Variants in DZIP1L observed in about 807,000 individuals in gnomAD.
The protein encoded by DZIP1L is DAZ interacting zinc finger protein 1 like.
Under a neutral mutation model 88.7 loss-of-function variants are expected in DZIP1L, and 90 were observed. The ratio of observed to expected loss-of-function variants is 1.02; its 90% CI spans 0.86 to 1.21. DZIP1L has a LOEUF of 1.21. DZIP1L is among the 50% of genes most tolerant of loss of function. The probability of loss-of-function intolerance (pLI) is 0.00; values close to 1 mark genes in which losing one functional copy is unlikely to be tolerated. For synonymous variants in DZIP1L, 363 were observed against 372.1 expected (o/e 0.98, Z 0.28); for missense variants, 932 against 955.8 (o/e 0.98, Z 0.33).
chr3:138,084,000 AG>A, intron 8 of DZIP1L, 112 bp downstream of exon 8: 1 of 1,433,466 alleles, frequency 7.0e-7, no homozygotes, highest in Non-Finnish European at 9.4e-7. Flanking sequence ...TCTCTCCTTA[AG>A]GAGCCTGAGT....
rs200913886 is a variant in DZIP1L, at chr3:138,062,832, C to G, written c.2288G>C (p.Arg763Thr). 101 of 1,614,038 alleles carry G rather than the reference C, an allele frequency of 6.3e-5. 1 individual carries two copies. The East Asian group carries it at 1.8e-3, about 30-fold the overall frequency. ...TGGGGTGAATCACCAGGCAGGGACC[C>G]TGGGTTGGCCAGAGCTCTGTGGACC... ...GTGPQSSGQP[R>T]VPAW Residue 763 changes from arginine (R) to threonine (T), a missense_variant, in exon 16 of 16, where the codon AGG becomes ACG. Transcript: ENST00000327532.
intron 3 of DZIP1L, among the ~76,000 whole-genome samples, chr3:138,095,967 A>G (rs754240319): frequency 1.1e-4 from 16 of 152,228 alleles, no homozygotes; most frequent in Non-Finnish European, 1.8e-4. Context: ...AAAAAAGAAT[A>G]CAATTATTCT....
Position 138,084,253 on chromosome 3 carries a change from G to GC in DZIP1L, c.1063-1dup (p.Leu355AlafsTer39), listed in dbSNP as rs769080015. 4 of 1,613,412 alleles carry GC rather than the reference G, an allele frequency of 2.5e-6. No individual in the cohort carries two copies. The highest frequency in any genetic ancestry group is 2.5e-6 in the Non-Finnish European group (3 of 1,179,714). Reference sequence around the variant, plus strand: ...TGGAGCCTCTGGTTCTCCTCCTGTAGCTGGCAGGCACAAGATGGCTGGTCA... The same window carrying GC: ...TGGAGCCTCTGGTTCTCCTCCTGTAGCCTGGCAGGCACAAGATGGCTGGTCA... On this transcript the variant is annotated frameshift_variant and splice_region_variant. Transcript: ENST00000327532. LOFTEE classifies it high-confidence loss of function.
chr3:138,079,609 TG>T (rs1476777716), intron 10 of DZIP1L, among the ~76,000 whole-genome samples: 1 of 152,190 alleles, frequency 6.6e-6, no homozygotes, highest in Admixed American at 6.5e-5. Flanking sequence ...CCATGTAGCA[TG>T]GAACGATAAA....
intron 12 of DZIP1L, among the ~76,000 whole-genome samples, chr3:138,071,074 G>C (rs924520940): frequency 1.3e-5 from 2 of 152,202 alleles, no homozygotes; most frequent in Non-Finnish European, 2.9e-5. Flanking sequence ...CCTGGCCCAA[G>C]GAACCAACTA....
intron 2 of DZIP1L, chr3:138,101,595 G>T: frequency 2.5e-6 from 2 of 800,506 alleles, no homozygotes; most frequent in Non-Finnish European, 4.4e-6. Flanking sequence ...TGGAGCCTGC[G>T]CCAGAGCCAA....
chr3:138,075,597 T>C (rs973149785), intron 11 of DZIP1L, among the ~76,000 whole-genome samples: 9 of 152,250 alleles, frequency 5.9e-5, no homozygotes, highest in African/African-American at 2.2e-4. Flanking sequence ...TTAAAAGTTC[T>C]TTGACTGAAC....
chr3:138,074,292 A>C (rs1943303903), intron 11 of DZIP1L, among the ~76,000 whole-genome samples: 1 of 152,212 alleles, frequency 6.6e-6, no homozygotes, highest in Admixed American at 6.5e-5. Flanking sequence ...GGAAAGAATC[A>C]TAAGAGCTGT....
At chr3:138,064,596 C>T in intron 15 of DZIP1L, 32 bp downstream of exon 15, 7 of 1,614,046 alleles carry the variant, frequency 4.3e-6, no homozygotes, top group Non-Finnish European at 5.9e-6. Context: ...GTAGAGAATT[C>T]CAGAGTAAAC....
intron 1 of DZIP1L, among the ~76,000 whole-genome samples, chr3:138,109,123 T>C (rs1314274305): frequency 6.6e-6 from 1 of 152,224 alleles, no homozygotes; most frequent in Non-Finnish European, 1.5e-5. Context: ...CTGAGTGATA[T>C]TCAAAGACTT....
chr3:138,069,049 C>T, intron 12 of DZIP1L: 1 of 1,223,866 alleles, frequency 8.2e-7, no homozygotes. Flanking sequence ...ATACAGTTGA[C>T]CCCGAAACAA....
chr3:138,074,579 A>T (rs1014251572), intron 11 of DZIP1L, among the ~76,000 whole-genome samples: 27 of 152,106 alleles, frequency 1.8e-4, no homozygotes, highest in African/African-American at 6.5e-4. Flanking sequence ...CTTCTTTTTT[A>T]ATTTATTTTT....
At chr3:138,104,151 T>A (rs557327477) in intron 1 of DZIP1L, 99 bp from the exon 2 acceptor site, 14 of 1,131,862 alleles carry the variant, frequency 1.2e-5, no homozygotes, top group Admixed American at 8.7e-5. Context: ...AAGTGAGGTG[T>A]CTGTGCAGCA....
intron 2 of DZIP1L, chr3:138,101,760 A>C (rs1056007459): frequency 9.9e-7 from 1 of 1,006,536 alleles, no homozygotes; most frequent in African/African-American, 1.6e-5. Context: ...GCAGCTTCCT[A>C]TAGGTGGCGA....
In DZIP1L at chr3:138,084,123, T is replaced by G; in HGVS notation, c.1193A>C (p.Gln398Pro). 1 of 1,613,878 alleles carries G rather than the reference T, an allele frequency of 6.2e-7. No homozygotes were observed. The highest frequency in any genetic ancestry group is 1.3e-5 in the African/African-American group (1 of 75,054). Reference protein sequence around the residue: ...LQEQARIIASQEEMIQSLSLR... With the variant: ...LQEQARIIASPEEMIQSLSLR... ...GAAGGGCAGACCTACCATCTCCTCC[T>G]GGGAGGCAATGATCCTAGCTTGTTC... is the stretch of plus-strand genomic sequence containing the variant. The change falls in exon 8 of 16, where the codon CAG (glutamine) becomes CCG (proline). Residue 398 changes from glutamine to proline, a missense_variant. Gln to Pro is a moderately conservative substitution (Grantham distance 76). Transcript: ENST00000327532.
intron 15 of DZIP1L, 80 bp downstream of exon 15, chr3:138,064,548 A>G (rs1345854662): frequency 1.9e-6 from 3 of 1,613,322 alleles, no homozygotes; most frequent in Admixed American, 1.7e-5. Flanking sequence ...GCCCTCCCCA[A>G]CCTTCACCCC....
At chr3:138,105,363 T>C (rs2042451789) in intron 1 of DZIP1L, among the ~76,000 whole-genome samples, 1 of 151,682 alleles carries the variant, frequency 6.6e-6, no homozygotes, top group African/African-American at 2.4e-5. Context: ...TCATTTTATA[T>C]AAATATATAT....
intron 5 of DZIP1L, among the ~76,000 whole-genome samples, chr3:138,091,609 C>G (rs28480035): frequency 0.66 from 83,264 of 125,940 alleles, 27,379 homozygotes; most frequent in Admixed American, 0.72. Flanking sequence ...CACAGCGAGA[C>G]AGTGAGAGCA....
chr3:138,094,741 G>C, intron 4 of DZIP1L, 121 bp downstream of exon 4: 1 of 1,481,296 alleles, frequency 6.8e-7, no homozygotes, highest in Non-Finnish European at 9.1e-7. Flanking sequence ...CACTATCCCA[G>C]CTCTGACTCC....
Sources: gnomAD v4.1 joint callset for allele counts (sites outside exome capture counted in the v4.1 genomes callset) on GRCh38, gnomAD v4.1.1 for gene constraint, MANE v1.5 for transcripts, NCBI Gene and HGNC (gene_info 2026-07-23, HGNC 2026-07-21) for gene names.